The following DENND2C variants were observed in gnomAD, a reference collection of about 807,000 sequenced individuals.
DENND2C encodes the protein DENN domain containing 2C.
In DENND2C, 72 loss-of-function variants were observed where a neutral mutation model predicts 112.4. That is an observed-to-expected ratio of 0.64 (90% CI 0.53 to 0.78). The LOEUF is 0.78. Among genes scored for constraint, DENND2C ranks in the 30% least tolerant of loss-of-function variants. The pLI, the probability that DENND2C is intolerant of heterozygous loss-of-function variation, is 0.00. For synonymous variants in DENND2C, 329 were observed against 381.6 expected (o/e 0.86, Z 1.61); for missense variants, 992 against 1,113.8 (o/e 0.89, Z 1.56).
At chr1:114,601,630 AT>A in intron 12 of DENND2C, 45 bp from the exon 13 acceptor site, 1 of 1,519,852 alleles carries the variant, frequency 6.6e-7, no homozygotes, top group Non-Finnish European at 9.1e-7. Context: ...AGCCGCATAC[AT>A]TTTTATTAAT....
At chr1:114,586,246 A>G (rs1015859201) in intron 20 of DENND2C, among the ~76,000 whole-genome samples, 1 of 152,202 alleles carries the variant, frequency 6.6e-6, no homozygotes, top group Admixed American at 6.5e-5. Flanking sequence ...CTTGTAAGAA[A>G]TCCTCTTTTG....
At chr1:114,595,780 T>C (rs371478156) in intron 17 of DENND2C, 52 bp downstream of exon 17, 33 of 1,499,850 alleles carry the variant, frequency 2.2e-5, no homozygotes, top group African/African-American at 2.8e-5. Flanking sequence ...TCCAATTATC[T>C]ACAGTAGACA....
At chr1:114,651,354 A>G (rs960351637) in intron 2 of DENND2C, among the ~76,000 whole-genome samples, 1 of 151,708 alleles carries the variant, frequency 6.6e-6, no homozygotes, top group African/African-American at 2.4e-5. Flanking sequence ...CAGGAGGCTA[A>G]GGCAGGTGGA....
intron 1 of DENND2C, among the ~76,000 whole-genome samples, chr1:114,667,324 G>A (rs1386210358): frequency 2.0e-5 from 3 of 152,078 alleles, no homozygotes; most frequent in Non-Finnish European, 4.4e-5. Context: ...TGCTGAAATT[G>A]TAGAGCCTTA....
Position 114,587,978 on chromosome 1 carries a change from AG to A in DENND2C, c.2432-27del, listed in dbSNP as rs746114439. ...CTGCTGCAACATGAAAAAGAAAAAA[AG>A]AAAAAAATCTCCTCAGTTATCTGTA... On this transcript the variant is annotated intron_variant, in intron 18 of 20. Coordinates refer to ENST00000393274, the MANE Select transcript of DENND2C (RefSeq NM_001256404.2). 2.5e-6 allele frequency: 4 copies of A among 1,601,464 alleles called. No homozygotes were observed. In the South Asian group the frequency reaches 3.3e-5, roughly 13 times the overall value.
chr1:114,660,629 G>C (rs936012609), intron 1 of DENND2C, among the ~76,000 whole-genome samples: 4 of 152,112 alleles, frequency 2.6e-5, no homozygotes, highest in African/African-American at 9.7e-5. Context: ...GCTGGACAGG[G>C]GGAGGGAACA....
intron 2 of DENND2C, among the ~76,000 whole-genome samples, chr1:114,649,669 C>T (rs1055453529): frequency 6.6e-6 from 1 of 152,162 alleles, no homozygotes; most frequent in Non-Finnish European, 1.5e-5. Context: ...GCCAATACGC[C>T]TGGACAATAA....
intron 1 of DENND2C, among the ~76,000 whole-genome samples, chr1:114,662,276 C>G (rs934336186): frequency 6.6e-6 from 1 of 152,088 alleles, no homozygotes; most frequent in African/African-American, 2.4e-5. Context: ...TCCCACACAG[C>G]TGGGAGATTT....
intron 1 of DENND2C, among the ~76,000 whole-genome samples, chr1:114,662,772 G>A (rs2101700013): frequency 6.6e-6 from 1 of 152,172 alleles, no homozygotes; most frequent in South Asian, 2.1e-4. Context: ...CCTAGACAAC[G>A]TATTGAGACC....
rs377750124 is a variant in DENND2C, at chr1:114,646,251, G to A, written c.-316-692C>T. ...CTGTTATTCATTGTTAAAACATCAT[G>A]TTTACCTCGTAGGGACACACTGAAC... On this transcript the variant is annotated intron_variant, in intron 2 of 20. Transcript: ENST00000393274. 1.3e-3 allele frequency among the ~76,000 whole-genome samples: 194 copies of A among 152,122 alleles called. 1 individual carries two copies. The highest frequency in any genetic ancestry group is 4.3e-3 in the African/African-American group (179 of 41,492).
chr1:114,588,940 T>G (rs1268396201), intron 18 of DENND2C, among the ~76,000 whole-genome samples: 1 of 152,188 alleles, frequency 6.6e-6, no homozygotes, highest in Non-Finnish European at 1.5e-5. Flanking sequence ...ATAAAAATAG[T>G]GATTTGAGTG....
intron 18 of DENND2C, among the ~76,000 whole-genome samples, chr1:114,591,030 C>T (rs1655175509): frequency 2.0e-5 from 3 of 151,866 alleles, no homozygotes; most frequent in South Asian, 4.2e-4. Flanking sequence ...GCAGTGGCAC[C>T]ATCACAGCTC....
chr1:114,617,060 A>C (rs994199939), intron 8 of DENND2C, among the ~76,000 whole-genome samples: 7 of 152,130 alleles, frequency 4.6e-5, no homozygotes, highest in African/African-American at 1.7e-4. Context: ...TCTCATGAGA[A>C]TAGCACGGGA....
intron 12 of DENND2C, 110 bp downstream of exon 12, chr1:114,602,015 A>G: frequency 9.6e-7 from 1 of 1,036,634 alleles, no homozygotes; most frequent in Non-Finnish European, 1.4e-6. Flanking sequence ...CTTAATACAC[A>G]GATCATTGAG....
In DENND2C at chr1:114,612,408, G is replaced by C. The variant is rs1471320205; in HGVS notation, c.1325-1291C>G. 2.4e-4 allele frequency among the ~76,000 whole-genome samples: 36 copies of C among 149,314 alleles called. No individual in the cohort carries two copies. In the Admixed American group the frequency reaches 2.4e-3, roughly 10 times the overall value. ...ACTCTGCTGCACAGGCTACAGTGCAGTGGCACAATCTTGGCTCACTGCAAC... is the reference window on the plus strand; with the variant it reads ...ACTCTGCTGCACAGGCTACAGTGCACTGGCACAATCTTGGCTCACTGCAAC... On this transcript the variant is annotated intron_variant, in intron 8 of 20. Transcript: ENST00000393274.
chr1:114,634,164 A>C (rs56307318), intron 3 of DENND2C, among the ~76,000 whole-genome samples: 7,577 of 152,304 alleles, frequency 0.05, 213 homozygotes, highest in South Asian at 0.085. Context: ...CAAATGGACA[A>C]ATCCACAATT....
intron 3 of DENND2C, among the ~76,000 whole-genome samples, chr1:114,640,829 A>C (rs180997710): frequency 1.5e-3 from 226 of 152,360 alleles, no homozygotes; most frequent in African/African-American, 5.2e-3. Flanking sequence ...CACAATTTTA[A>C]CATAATAAAT....
intron 2 of DENND2C, among the ~76,000 whole-genome samples, chr1:114,647,967 G>A (rs555840804): frequency 8.5e-4 from 129 of 151,566 alleles, no homozygotes; most frequent in Admixed American, 2.8e-3. Context: ...TCCACCATGC[G>A]CAGCTAATTT....
At chr1:114,632,963 G>T (rs1406471086) in intron 3 of DENND2C, among the ~76,000 whole-genome samples, 3 of 152,182 alleles carry the variant, frequency 2.0e-5, no homozygotes, top group Non-Finnish European at 4.4e-5. Flanking sequence ...ACAAAAAATG[G>T]TACTTGTGGA....
Sources: gnomAD v4.1 joint callset for allele counts (sites outside exome capture counted in the v4.1 genomes callset) on GRCh38, gnomAD v4.1.1 for gene constraint, MANE v1.5 for transcripts, NCBI Gene and HGNC (gene_info 2026-07-23, HGNC 2026-07-21) for gene names.